Variants in ZNF469 observed in about 807,000 individuals in gnomAD.
The protein encoded by ZNF469 is zinc finger protein 469.
In ZNF469, 1 loss-of-function variant was observed where a neutral mutation model predicts 1.0. The observed-to-expected ratio is 1.00, with a 90% CI of 0.35 to 4.73. ZNF469 has a LOEUF of 4.73. Among genes scored for constraint, ZNF469 ranks in the 30% most tolerant of loss-of-function variants. The pLI is 0.16. For missense variants in ZNF469, 6,100 were observed against 5,356.3 expected, an observed-to-expected ratio of 1.14 and a Z score of -4.33; for synonymous variants, 2,703 against 2,363.4, an observed-to-expected ratio of 1.14 and a Z score of -4.17.
Position 88,434,925 on chromosome 16 carries a change from G to C in ZNF469, c.7455G>C (p.Pro2485=), listed in dbSNP as rs529386410. The change falls in exon 3 of 3, where the codon CCG becomes CCC. Residue 2485 remains proline, a synonymous_variant. Coordinates refer to ENST00000565624, the MANE Select transcript of ZNF469 (RefSeq NM_001367624.2). ...EVCAASFRSG[P]GLSRHKARKH... is the part of the protein sequence containing the mutation. ...GCGCAGCCTCCTTCCGCTCCGGGCC[G>C]GGCCTGAGCCGGCACAAGGCCAGGA... 4 of 1,550,210 alleles carry C rather than the reference G, an allele frequency of 2.6e-6. No homozygotes were observed. In the South Asian group the frequency reaches 4.8e-5, roughly 18 times the overall value.
At chr16:88,347,128 C>T in the ZNF469 span, among the ~76,000 whole-genome samples, 1 of 152,138 alleles carries the variant, frequency 6.6e-6, no homozygotes, top group Non-Finnish European at 1.5e-5. Context: ...GTTGGTTTTG[C>T]TTCCCTGGGA....
the ZNF469 span, among the ~76,000 whole-genome samples, chr16:88,228,942 C>T: frequency 6.6e-6 from 1 of 152,120 alleles, no homozygotes; most frequent in African/African-American, 2.4e-5. Context: ...AGAAGCCAGG[C>T]GGGGAGGGAG....
In ZNF469 at chr16:88,427,379, G is replaced by GGGGGACCAT; in HGVS notation, c.-90_-89insGGACCATGG. ...AGGACCATGAGCGCAGGCTTCCCTGGGGCCCATCGAGGGCTGAGGATGGCC... is the reference window on the plus strand; with the variant it reads ...AGGACCATGAGCGCAGGCTTCCCTGGGGGGACCATGGCCCATCGAGGGCTGAGGATGGCC... On this transcript the variant is annotated 5_prime_UTR_variant, in exon 3 of 3. It adds an upstream start codon to the 5' untranslated region. Transcript: ENST00000565624. 1 of 1,280,266 alleles carries GGGGGACCAT rather than the reference G, an allele frequency of 7.8e-7. No homozygotes were observed. The highest frequency in any genetic ancestry group is 1.0e-6 in the Non-Finnish European group (1 of 961,824). The allele number at this position is 1,280,266 out of a possible 1,614,324, so 79.3% of individuals were successfully genotyped here. A position where few individuals can be genotyped will look rare whatever the true frequency, so the allele number is the denominator to read the frequency against.
At chr16:88,211,849 G>A in the ZNF469 span, among the ~76,000 whole-genome samples, 2 of 152,284 alleles carry the variant, frequency 1.3e-5, no homozygotes, top group East Asian at 1.9e-4. Flanking sequence ...CTGCCCTGAT[G>A]CAAGGGGCAT....
chr16:88,142,989 G>A, the ZNF469 span, among the ~76,000 whole-genome samples: 2 of 152,190 alleles, frequency 1.3e-5, no homozygotes, highest in African/African-American at 2.4e-5. Context: ...AGAGGTCTCA[G>A]TTTCTCTGCC....
chr16:88,364,652 G>T, the ZNF469 span, among the ~76,000 whole-genome samples: 1 of 152,064 alleles, frequency 6.6e-6, no homozygotes, highest in East Asian at 1.9e-4. Flanking sequence ...TAGTGATGTC[G>T]TGCCATTTTC....
At chr16:88,256,236 A>G in the ZNF469 span, among the ~76,000 whole-genome samples, 2 of 152,218 alleles carry the variant, frequency 1.3e-5, no homozygotes. Flanking sequence ...GCCCCGGGCA[A>G]CCACTCATCT....
chr16:88,427,820 C>G lies in ZNF469; in HGVS notation c.350C>G (p.Pro117Arg). The G allele has an allele frequency of 5.8e-6, 9 of 1,548,578 alleles. No individual in the cohort carries two copies. Among genetic ancestry groups the G allele is most frequent in the Non-Finnish European group, 7.8e-6 (9 of 1,146,796 alleles). ...RLAGRAEGSP[P>R]QRYILGIASS... ...GCGGGCAGGGCAGAGGGCAGCCCCC[C>G]ACAGCGCTACATTCTGGGCATCGCC... The change falls in exon 3 of 3, where the codon CCA becomes CGA. Residue 117 changes from proline (P) to arginine (R), a missense_variant. Physicochemically the swap from Pro to Arg is moderately radical, Grantham distance 103. Coordinates refer to ENST00000565624, the MANE Select transcript of ZNF469 (RefSeq NM_001367624.2).
chr16:88,155,206 G>T, the ZNF469 span, among the ~76,000 whole-genome samples: 1 of 152,272 alleles, frequency 6.6e-6, no homozygotes, highest in South Asian at 2.1e-4. Context: ...GCAGCTGCAA[G>T]TGCCGGCCCA....
Position 88,439,065 on chromosome 16 carries a change from C to A in ZNF469, c.11595C>A (p.Asn3865Lys), listed in dbSNP as rs1906817309. Residue 3865 changes from asparagine (N) to lysine (K), a missense_variant, in exon 3 of 3, where the codon AAC becomes AAA. Transcript: ENST00000565624. ...SRVLPTKPKP[N>K]SQNKPRPPPS... ...TGCTCCCGACCAAGCCCAAGCCCAACAGCCAGAACAAACCCAGGCCGCCAC... is the reference window on the plus strand; with the variant it reads ...TGCTCCCGACCAAGCCCAAGCCCAAAAGCCAGAACAAACCCAGGCCGCCAC... 4 of 1,550,644 alleles carry A rather than the reference C, an allele frequency of 2.6e-6. No individual in the cohort carries two copies. Among genetic ancestry groups the A allele is most frequent in the Non-Finnish European group, 3.5e-6 (4 of 1,146,922 alleles).
At chr16:88,169,854 A>T in the ZNF469 span, among the ~76,000 whole-genome samples, 5 of 151,968 alleles carry the variant, frequency 3.3e-5, no homozygotes, top group Non-Finnish European at 7.4e-5. The surrounding 1 kb of genome is among the most constrained non-coding windows in gnomAD (Gnocchi z 6.1). Context: ...CGCCTCTGGC[A>T]CACGTGGGCC....
upstream of ZNF469, among the ~76,000 whole-genome samples, chr16:88,378,240 C>T (rs1001449635): frequency 2.6e-5 from 4 of 152,136 alleles, no homozygotes; most frequent in African/African-American, 9.7e-5. Flanking sequence ...ACACGGCGGG[C>T]AGGGAGCAGG....
the ZNF469 span, among the ~76,000 whole-genome samples, chr16:88,239,554 C>G: frequency 1.4e-5 from 2 of 147,588 alleles, no homozygotes; most frequent in Non-Finnish European, 1.5e-5. Context: ...GTGGCGCGAT[C>G]TCGGCTCACT....
intron 1 of ZNF469, among the ~76,000 whole-genome samples, chr16:88,417,687 G>C (rs760985586): frequency 2.6e-5 from 4 of 152,220 alleles, no homozygotes; most frequent in Non-Finnish European, 4.4e-5. Flanking sequence ...CTGGGCTCCG[G>C]TACAGCATTG....
chr16:88,258,845 T>C, the ZNF469 span, among the ~76,000 whole-genome samples: 344 of 152,324 alleles, frequency 2.3e-3, 2 homozygotes, highest in African/African-American at 7.8e-3. Flanking sequence ...GATGTTATGC[T>C]TATTCTACAC....
At chr16:88,366,611 C>A in the ZNF469 span, among the ~76,000 whole-genome samples, 1 of 46,032 alleles carries the variant, frequency 2.2e-5, no homozygotes, top group African/African-American at 4.1e-5. Flanking sequence ...ACCACAACCA[C>A]CATCATCACC....
chr16:88,428,208 T>C lies in ZNF469; in HGVS notation c.738T>C (p.Ala246=), dbSNP rs1188207144. The change falls in exon 3 of 3, where the codon GCT becomes GCC. Residue 246 remains alanine (A), a synonymous_variant. Coordinates refer to ENST00000565624, the MANE Select transcript of ZNF469 (RefSeq NM_001367624.2). ...CTGCTGAGAATAGCTTCCCAGGTGC[T>C]AATTTCGGGGTTCCCCCCGCCGAGC... ...PPAAENSFPG[A]NFGVPPAEPE... 2 of 1,550,228 alleles carry C rather than the reference T, an allele frequency of 1.3e-6. No individual in the cohort carries two copies. Among genetic ancestry groups the C allele is most frequent in the Non-Finnish European group, 1.7e-6 (2 of 1,146,918 alleles).
chr16:88,355,618 G>T, the ZNF469 span, among the ~76,000 whole-genome samples: 1 of 152,184 alleles, frequency 6.6e-6, no homozygotes, highest in Non-Finnish European at 1.5e-5. Flanking sequence ...TGAGTCCACA[G>T]GCAGCAGTCT....
chr16:88,383,214 C>T lies in ZNF469; in HGVS notation c.-232C>T, dbSNP rs995809653. ...GCGGCGCGGGCCGGGAGCTCGTTGG[C>T]GGCGGCCGGCGTGGCGGGCGGAGCG... On this transcript the variant is annotated 5_prime_UTR_variant, in exon 1 of 3. Coordinates refer to ENST00000565624, the MANE Select transcript of ZNF469 (RefSeq NM_001367624.2). Among the ~76,000 whole-genome samples the T allele has an allele frequency of 2.0e-3, 300 of 147,514 alleles. 3 individuals are homozygous for T. Among genetic ancestry groups the T allele is most frequent in the African/African-American group, 6.9e-3 (284 of 41,072 alleles).
Sources: allele counts gnomAD v4.1 joint callset (sites outside exome capture counted in the v4.1 genomes callset), GRCh38; gene constraint gnomAD v4.1.1; non-coding constraint Gnocchi (gnomAD v3.1); transcripts MANE v1.5; gene names NCBI Gene and HGNC (gene_info 2026-07-23, HGNC 2026-07-21).